BIRC6: variants seen among roughly 807,000 people sequenced by gnomAD.
BIRC6 encodes the protein baculoviral IAP repeat containing 6, also known as dual E2 ubiquitin-conjugating enzyme/E3 ubiquitin-protein ligase BIRC6.
BIRC6 carries 98 observed loss-of-function variants against 503.3 expected under a neutral mutation model. That is an observed-to-expected ratio of 0.19 (90% CI 0.17 to 0.23). BIRC6 has a LOEUF of 0.23. BIRC6 is among the 10% of genes least tolerant of loss of function. BIRC6 has a pLI of 1.00. For synonymous variants in BIRC6, 2,240 were observed against 2,078.7 expected (o/e 1.08, Z -2.11); for missense variants, 5,360 against 5,806.0 (o/e 0.92, Z 2.50).
chr2:32,590,846 C>T, intron 66 of BIRC6: 2 of 985,866 alleles, frequency 2.0e-6, no homozygotes, highest in Non-Finnish European at 2.4e-6. Flanking sequence ...CACAAAGCAG[C>T]GGATACCATG....
intron 42 of BIRC6, 91 bp downstream of exon 42, chr2:32,488,805 G>A: frequency 1.0e-6 from 1 of 955,772 alleles, no homozygotes; most frequent in South Asian, 2.3e-5. Context: ...TTTGTCATTA[G>A]GGGTTATAAC....
chr2:32,502,624 G>GT (rs1402713297), intron 47 of BIRC6, among the ~76,000 whole-genome samples, 171 bp from the exon 48 acceptor site: 2 of 152,096 alleles, frequency 1.3e-5, no homozygotes, highest in African/African-American at 4.8e-5. Flanking sequence ...CAGGGAGATG[G>GT]TTTTTTTATT....
intron 38 of BIRC6, 135 bp from the exon 39 acceptor site, chr2:32,482,294 T>A (rs1405946152): frequency 4.6e-6 from 4 of 870,844 alleles, no homozygotes; most frequent in Non-Finnish European, 6.9e-6. Context: ...ATTAAAATTA[T>A]AAGGGGATTT....
intron 10 of BIRC6, among the ~76,000 whole-genome samples, chr2:32,428,124 C>T (rs1012433647): frequency 6.6e-6 from 1 of 152,100 alleles, no homozygotes; most frequent in African/African-American, 2.4e-5. Flanking sequence ...CAAGTGTGCC[C>T]TGGCTTTTAT....
chr2:32,514,616 A>T (rs541661889), intron 54 of BIRC6, among the ~76,000 whole-genome samples: 2 of 152,330 alleles, frequency 1.3e-5, no homozygotes, highest in East Asian at 3.9e-4. Context: ...TGCAAACATG[A>T]ATTTAAGCCA....
chr2:32,508,778 T>G (rs555026597), intron 51 of BIRC6, among the ~76,000 whole-genome samples: 305 of 152,250 alleles, frequency 2.0e-3, no homozygotes, highest in Non-Finnish European at 3.5e-3. Context: ...TTATTGAAAG[T>G]TCTGCCTGAT....
At chr2:32,441,707 G>A (rs2045455355) in intron 17 of BIRC6, among the ~76,000 whole-genome samples, 1 of 152,040 alleles carries the variant, frequency 6.6e-6, no homozygotes, top group Admixed American at 6.5e-5. Context: ...ACACGTACTC[G>A]TCAGGCAAGG....
At chr2:32,395,788 C>A (rs147025886) in intron 6 of BIRC6, among the ~76,000 whole-genome samples, 195 bp downstream of exon 6, 231 of 152,282 alleles carry the variant, frequency 1.5e-3, no homozygotes, top group African/African-American at 5.3e-3. Flanking sequence ...GTTTGACTTT[C>A]TAAAAATTGT....
intron 6 of BIRC6, among the ~76,000 whole-genome samples, chr2:32,399,276 G>C (rs2040337149): frequency 6.6e-6 from 1 of 152,126 alleles, no homozygotes; most frequent in African/African-American, 2.4e-5. Flanking sequence ...AGTAGAGATG[G>C]GGTTTCCCCA....
intron 52 of BIRC6, 76 bp from the exon 53 acceptor site, chr2:32,510,450 T>A (rs2054278254): frequency 4.7e-6 from 4 of 853,586 alleles, no homozygotes; most frequent in Non-Finnish European, 7.8e-6. Flanking sequence ...ATGAATAACT[T>A]AATTCAATTA....
Position 32,432,107 on chromosome 2 carries a change from G to A in BIRC6, c.3248+1017G>A, listed in dbSNP as rs541335087. Reference sequence around the variant, plus strand: ...CTGTGAATATAAGGGAGAGTGGTAGGGAGGGAGATCCAAAGAGGTAGCTGG... The same window carrying A: ...CTGTGAATATAAGGGAGAGTGGTAGAGAGGGAGATCCAAAGAGGTAGCTGG... On this transcript the variant is annotated intron_variant, in intron 12 of 73. Coordinates refer to ENST00000421745, the MANE Select transcript of BIRC6 (RefSeq NM_016252.4). Among the ~76,000 whole-genome samples the A allele has an allele frequency of 3.1e-4, 47 of 152,138 alleles. No homozygotes were observed. In the South Asian group the frequency reaches 8.9e-3, roughly 29 times the overall value.
chr2:32,553,019 TA>T (rs74670138), intron 65 of BIRC6, among the ~76,000 whole-genome samples: 78,339 of 141,520 alleles, frequency 0.55, 21,597 homozygotes, highest in African/African-American at 0.61. Context: ...TTATCTCTAC[TA>T]AAAAAAAAAA....
At chr2:32,396,334 G>C (rs1316689793) in intron 6 of BIRC6, among the ~76,000 whole-genome samples, 1 of 152,138 alleles carries the variant, frequency 6.6e-6, no homozygotes, top group Non-Finnish European at 1.5e-5. Flanking sequence ...ATTTGCTGAA[G>C]GGCATATGGC....
intron 66 of BIRC6, among the ~76,000 whole-genome samples, chr2:32,590,075 A>G (rs1247464683): frequency 6.6e-6 from 1 of 152,340 alleles, no homozygotes; most frequent in East Asian, 1.9e-4. Context: ...CATTTATAGT[A>G]CGGAGATCTT....
At chr2:32,362,097 A>G (rs186160617) in intron 1 of BIRC6, among the ~76,000 whole-genome samples, 9 of 152,320 alleles carry the variant, frequency 5.9e-5, no homozygotes, top group Non-Finnish European at 4.4e-5. Context: ...TTACTTTTGT[A>G]AGAAACTGAC....
At chr2:32,451,072 A>G (rs1031707699) in intron 22 of BIRC6, among the ~76,000 whole-genome samples, 3 of 152,134 alleles carry the variant, frequency 2.0e-5, no homozygotes, top group Admixed American at 6.6e-5. Context: ...TTGAACCCAT[A>G]CTACAATCAT....
intron 1 of BIRC6, among the ~76,000 whole-genome samples, chr2:32,366,216 G>T (rs2034910237): frequency 6.6e-6 from 1 of 152,184 alleles, no homozygotes; most frequent in Non-Finnish European, 1.5e-5. Context: ...ATGTGAGAAA[G>T]AATACAACGT....
chr2:32,480,786 C>T (rs957912713), intron 37 of BIRC6, among the ~76,000 whole-genome samples: 6 of 151,488 alleles, frequency 4.0e-5, no homozygotes, highest in Non-Finnish European at 8.8e-5. Context: ...GGATTACAGG[C>T]GGCCACCACC....
At chr2:32,369,553 G>A (rs754167680) in intron 1 of BIRC6, among the ~76,000 whole-genome samples, 3 of 150,478 alleles carry the variant, frequency 2.0e-5, no homozygotes, top group Non-Finnish European at 4.4e-5. Flanking sequence ...TCAGCCTCCC[G>A]AGTAGCTGGG....
Sources: gnomAD v4.1 joint callset for allele counts (sites outside exome capture counted in the v4.1 genomes callset) on GRCh38, gnomAD v4.1.1 for gene constraint, MANE v1.5 for transcripts, NCBI Gene and HGNC (gene_info 2026-07-23, HGNC 2026-07-21) for gene names.